SENP7: variants seen among roughly 807,000 people sequenced by gnomAD.
SENP7 encodes the protein SUMO specific peptidase 7, also known as sentrin-specific protease 7.
SENP7 carries 64 observed loss-of-function variants against 141.2 expected under a neutral mutation model. The observed-to-expected ratio is 0.45, with a 90% CI of 0.37 to 0.56. SENP7 has a LOEUF of 0.56. SENP7 is among the 20% of genes least tolerant of loss of function. The probability of loss-of-function intolerance (pLI) is 0.00; values close to 1 mark genes in which losing one functional copy is unlikely to be tolerated. For synonymous variants in SENP7, 382 were observed against 426.4 expected (o/e 0.90, Z 1.28); for missense variants, 1,025 against 1,212.2 (o/e 0.85, Z 2.29).
chr3:101,348,911 G>T (rs533323171), intron 12 of SENP7, among the ~76,000 whole-genome samples: 1 of 152,010 alleles, frequency 6.6e-6, no homozygotes, highest in Non-Finnish European at 1.5e-5. Flanking sequence ...CCCAAGATGG[G>T]CACCTATTTG....
rs570622867 is a variant in SENP7 at position 101,332,005 on chromosome 3, T to G, written c.2678A>C (p.Gln893Pro). Reference protein sequence around the residue: ...VSQQSQAQQSQNDNKTIDNDL... With the variant: ...VSQQSQAQQSPNDNKTIDNDL... ...GTCACCTATTGTTTTGTTGTCATTT[T>G]GGGACTGCTGAGCCTGGGACTGCTG... Residue 893 changes from glutamine to proline, a missense_variant, in exon 19 of 24, where the codon CAA (glutamine) becomes CCA (proline). By Grantham distance (76) the Gln-to-Pro change is moderately conservative. Coordinates refer to ENST00000394095, the MANE Select transcript of SENP7 (RefSeq NM_020654.5). 1.9e-6 allele frequency: 3 copies of G among 1,613,540 alleles called. No individual in the cohort carries two copies. The highest frequency in any genetic ancestry group is 1.3e-5 in the African/African-American group (1 of 75,008).
chr3:101,446,846 C>T (rs1286742830), intron 4 of SENP7, among the ~76,000 whole-genome samples: 1 of 151,674 alleles, frequency 6.6e-6, no homozygotes, highest in Non-Finnish European at 1.5e-5. Flanking sequence ...TACAATGAAC[C>T]TCAATGGACT....
intron 7 of SENP7, among the ~76,000 whole-genome samples, chr3:101,370,563 T>C (rs1225431408): frequency 1.3e-5 from 2 of 152,174 alleles, no homozygotes; most frequent in Non-Finnish European, 2.9e-5. Flanking sequence ...ATAAATGTTA[T>C]GTAGTTGTTA....
chr3:101,396,918 A>T (rs931929637), intron 6 of SENP7, among the ~76,000 whole-genome samples: 1 of 152,196 alleles, frequency 6.6e-6, no homozygotes, highest in Non-Finnish European at 1.5e-5. Context: ...GTCTCAGCTC[A>T]CTGCAACCTC....
At chr3:101,506,508 T>C (rs1576556533) in intron 1 of SENP7, among the ~76,000 whole-genome samples, 1 of 152,204 alleles carries the variant, frequency 6.6e-6, no homozygotes, top group East Asian at 1.9e-4. Flanking sequence ...TCACCGGTCA[T>C]ATTCCAGAGA....
chr3:101,327,451 AG>A (rs967667939), intron 23 of SENP7, among the ~76,000 whole-genome samples: 7 of 152,062 alleles, frequency 4.6e-5, no homozygotes, highest in Admixed American at 6.6e-5. Context: ...CATGTAAAAA[AG>A]GATATGTTTG....
chr3:101,331,569 T>TAATAAG, intron 19 of SENP7, among the ~76,000 whole-genome samples: 1 of 150,822 alleles, frequency 6.6e-6, no homozygotes, highest in Admixed American at 6.6e-5. Context: ...ATGGAAATAA[T>TAATAAG]AATAATACAT....
intron 17 of SENP7, among the ~76,000 whole-genome samples, chr3:101,333,453 A>C (rs1199331566): frequency 1.3e-5 from 2 of 152,162 alleles, no homozygotes; most frequent in African/African-American, 4.8e-5. Context: ...GGGATTGCTT[A>C]ATCTCAGGAG....
chr3:101,394,907 G>C (rs1311181152), intron 6 of SENP7, among the ~76,000 whole-genome samples: 1 of 152,054 alleles, frequency 6.6e-6, no homozygotes, highest in Non-Finnish European at 1.5e-5. Flanking sequence ...GCAATGCTGG[G>C]CACTGTTCAC....
intron 4 of SENP7, among the ~76,000 whole-genome samples, chr3:101,450,187 C>T (rs769667826): frequency 1.3e-5 from 2 of 152,208 alleles, no homozygotes; most frequent in African/African-American, 4.8e-5. Flanking sequence ...ATGCACCCAA[C>T]ACAGGAGGAC....
chr3:101,430,281 T>C (rs550805999), intron 4 of SENP7, among the ~76,000 whole-genome samples: 2 of 152,296 alleles, frequency 1.3e-5, no homozygotes, highest in East Asian at 3.9e-4. Flanking sequence ...CTTCTTTGTA[T>C]TTCTGATAGA....
intron 5 of SENP7, among the ~76,000 whole-genome samples, chr3:101,405,093 T>C (rs2061260725): frequency 6.6e-6 from 1 of 151,920 alleles, no homozygotes; most frequent in African/African-American, 2.4e-5. Context: ...GAAGCTCGCA[T>C]CGTGAATTTT....
rs1044402014 is a variant in SENP7 at position 101,366,356 on chromosome 3, G to T, written c.1318+74C>A. The T allele has an allele frequency of 4.3e-6, 5 of 1,158,428 alleles. No individual in the cohort carries two copies. The East Asian group carries it at 7.2e-5, about 17-fold the overall frequency. 71.8% of individuals were successfully genotyped at this position (1,158,428 alleles called of 1,614,324 possible). A position where few individuals can be genotyped will look rare whatever the true frequency, so the allele number is the denominator to read the frequency against. ...ACAGCTTATGGCCTTAGCCAAATTT[G>T]TTCAAGAAGAATAAAAAAATAACTA... On this transcript the variant is annotated intron_variant, in intron 9 of 23. Transcript: ENST00000394095.
intron 12 of SENP7, among the ~76,000 whole-genome samples, chr3:101,350,527 G>C (rs1481179356): frequency 6.6e-6 from 1 of 151,880 alleles, no homozygotes; most frequent in African/African-American, 2.4e-5. Context: ...TATTATCACT[G>C]AAGAGAGTAT....
chr3:101,464,508 C>T (rs188298434), intron 3 of SENP7, among the ~76,000 whole-genome samples: 2 of 152,164 alleles, frequency 1.3e-5, no homozygotes, highest in South Asian at 2.1e-4. Flanking sequence ...CTATTATGAA[C>T]TGTGCATATG....
rs2060709699 is a variant in SENP7 at position 101,388,055 on chromosome 3, G to A, written c.677+10806C>T. 2.0e-5 allele frequency among the ~76,000 whole-genome samples: 3 copies of A among 152,166 alleles called. No homozygotes were observed. The South Asian group carries it at 6.2e-4, about 32-fold the overall frequency. On this transcript the variant is annotated intron_variant, in intron 6 of 23. Transcript: ENST00000394095. ...CCAGCCACCACAGACACCCACTTGTGCAGTGCTTAAGGAATAAGGATTGAC... is the reference window on the plus strand; with the variant it reads ...CCAGCCACCACAGACACCCACTTGTACAGTGCTTAAGGAATAAGGATTGAC...
intron 4 of SENP7, among the ~76,000 whole-genome samples, chr3:101,450,812 G>A (rs1450412719): frequency 6.6e-6 from 1 of 152,038 alleles, no homozygotes. Context: ...AACTAGAGAA[G>A]CAAGAGCAAA....
intron 6 of SENP7, among the ~76,000 whole-genome samples, chr3:101,386,737 T>C (rs1293592443): frequency 6.6e-6 from 1 of 152,194 alleles, no homozygotes; most frequent in Non-Finnish European, 1.5e-5. Flanking sequence ...AGTCAAAGCA[T>C]GTTCTCCCAA....
intron 13 of SENP7, among the ~76,000 whole-genome samples, chr3:101,344,602 A>C (rs2059406813): frequency 6.6e-6 from 1 of 152,222 alleles, no homozygotes; most frequent in Admixed American, 6.5e-5. Flanking sequence ...TGTAGTTCTA[A>C]ACCCAACTCC....
Sources: allele counts gnomAD v4.1 joint callset (sites outside exome capture counted in the v4.1 genomes callset), GRCh38; gene constraint gnomAD v4.1.1; transcripts MANE v1.5; gene names NCBI Gene and HGNC (gene_info 2026-07-23, HGNC 2026-07-21).